Variants in ATP11A observed in about 807,000 individuals in gnomAD.
ATP11A encodes the protein ATPase phospholipid transporting 11A.
In ATP11A, 81 loss-of-function variants were observed where a neutral mutation model predicts 154.4. That is an observed-to-expected ratio of 0.52 (90% CI 0.44 to 0.63). The LOEUF (loss-of-function observed/expected upper bound fraction) is 0.63. Ranked by LOEUF, ATP11A falls within the 30% of genes least tolerant of loss-of-function variation. The pLI, the probability that ATP11A is intolerant of heterozygous loss-of-function variation, is 0.00. For synonymous variants in ATP11A, 623 were observed against 585.9 expected (o/e 1.06, Z -0.91); for missense variants, 1,316 against 1,474.3 (o/e 0.89, Z 1.76).
Position 112,807,339 on chromosome 13 carries a change from G to A in ATP11A, c.333+1046G>A, listed in dbSNP as rs1422575990. Reference sequence around the variant, plus strand: ...TAGGCCAGAGCCGGCCGTGCCTACCGGGATACGTGAACTAGGATATTCATG... The same window carrying A: ...TAGGCCAGAGCCGGCCGTGCCTACCAGGATACGTGAACTAGGATATTCATG... On this transcript the variant is annotated intron_variant, in intron 4 of 29. Transcript: ENST00000375645. The surrounding 1 kb of genome is among the most constrained non-coding windows in gnomAD (Gnocchi z 4.5). Among the ~76,000 whole-genome samples, 7 of 152,202 alleles carry A rather than the reference G, an allele frequency of 4.6e-5. 1 individual carries two copies. The highest frequency in any genetic ancestry group is 7.3e-5 in the Non-Finnish European group (5 of 68,030).
intron 25 of ATP11A, among the ~76,000 whole-genome samples, chr13:112,866,821 G>C (rs970491485): frequency 6.6e-6 from 1 of 151,354 alleles, no homozygotes; most frequent in Admixed American, 6.6e-5. Context: ...GTTATCCTTC[G>C]TCATCACTTA....
chr13:112,837,841 G>C (rs1468058716), intron 16 of ATP11A, among the ~76,000 whole-genome samples: 1 of 152,072 alleles, frequency 6.6e-6, no homozygotes, highest in African/African-American at 2.4e-5. Flanking sequence ...AGCTGTAGGG[G>C]GAGGCAGTGT....
intron 9 of ATP11A, among the ~76,000 whole-genome samples, 158 bp from the exon 10 acceptor site, chr13:112,824,186 C>T (rs953229433): frequency 5.9e-5 from 9 of 152,112 alleles, no homozygotes. Context: ...CCTAAGGAAT[C>T]AAGTGCTAGT....
chr13:112,748,104 G>A (rs73565382), intron 1 of ATP11A, among the ~76,000 whole-genome samples: 3,154 of 152,318 alleles, frequency 0.021, 95 homozygotes, highest in African/African-American at 0.07. Context: ...TGAGGTGTGT[G>A]TGAAACACAA....
chr13:112,778,540 G>A (rs1010381184), intron 1 of ATP11A, among the ~76,000 whole-genome samples: 3 of 152,258 alleles, frequency 2.0e-5, no homozygotes, highest in Admixed American at 6.5e-5. Context: ...TCAAGGCTAC[G>A]GTGCACTGTA....
intron 1 of ATP11A, among the ~76,000 whole-genome samples, chr13:112,765,160 C>CG (rs2077045990): frequency 1.6e-5 from 2 of 127,480 alleles, no homozygotes; most frequent in African/African-American, 7.9e-5. Flanking sequence ...CTCCCCCCCG[C>CG]CCCGGCTCTG....
intron 1 of ATP11A, among the ~76,000 whole-genome samples, chr13:112,757,275 C>T (rs2076863721): frequency 6.6e-6 from 1 of 152,226 alleles, no homozygotes; most frequent in Non-Finnish European, 1.5e-5. Context: ...TTTGTGTTCT[C>T]TCCAGTGGTG....
At chr13:112,763,620 T>C (rs191622645) in intron 1 of ATP11A, among the ~76,000 whole-genome samples, 1 of 152,274 alleles carries the variant, frequency 6.6e-6, no homozygotes, top group Admixed American at 6.5e-5. Context: ...ACACTCACCA[T>C]CTCTTCTCTC....
chr13:112,873,853 G>C (rs553230369), intron 27 of ATP11A, among the ~76,000 whole-genome samples, 177 bp downstream of exon 27: 2 of 152,078 alleles, frequency 1.3e-5, no homozygotes, highest in Non-Finnish European at 2.9e-5. Flanking sequence ...GCAAGACACC[G>C]GGGGGTTCCT....
intron 29 of ATP11A, chr13:112,880,635 T>C: frequency 7.7e-7 from 1 of 1,296,082 alleles, no homozygotes; most frequent in Non-Finnish European, 1.0e-6. Flanking sequence ...CAAGGCGCAG[T>C]TAGCTCCACG....
At position 112,807,453 on chromosome 13, in the gene ATP11A, A is replaced by G. The variant is rs1207448336; in HGVS notation, c.333+1160A>G. 6.6e-6 allele frequency among the ~76,000 whole-genome samples: 1 copy of G among 152,204 alleles called. No individual in the cohort carries two copies. Among genetic ancestry groups the G allele is most frequent in the African/African-American group, 2.4e-5 (1 of 41,444 alleles). On this transcript the variant is annotated intron_variant, in intron 4 of 29. Transcript: ENST00000375645. The surrounding 1 kb of genome is among the most constrained non-coding windows in gnomAD (Gnocchi z 4.5). ...GCTCCGCCGCGGTGCATGGCAGAAC[A>G]CAGCACAGTAACGAAACGAACTGTG...
chr13:112,749,672 C>T (rs1169535899), intron 1 of ATP11A, among the ~76,000 whole-genome samples: 1 of 152,060 alleles, frequency 6.6e-6, no homozygotes, highest in Non-Finnish European at 1.5e-5. Flanking sequence ...TCTCCATCCT[C>T]CCACGTGGGG....
At chr13:112,862,680 T>G (rs2080149724) in intron 25 of ATP11A, 105 bp downstream of exon 25, 7 of 1,483,262 alleles carry the variant, frequency 4.7e-6, no homozygotes, top group Non-Finnish European at 6.4e-6. Context: ...CCCATGCAGC[T>G]TCCCAGCGGG....
chr13:112,715,915 T>C (rs1471450613), intron 1 of ATP11A, among the ~76,000 whole-genome samples: 3 of 151,954 alleles, frequency 2.0e-5, no homozygotes, highest in Non-Finnish European at 4.4e-5. Flanking sequence ...TCCGATCCCA[T>C]TCCTTTCCCC....
chr13:112,880,644 C>T (rs769640815), intron 29 of ATP11A: 40 of 1,293,662 alleles, frequency 3.1e-5, no homozygotes, highest in Admixed American at 2.5e-4. Flanking sequence ...GTTAGCTCCA[C>T]GCTAGGTAAC....
At chr13:112,864,687 G>A (rs1400923542) in intron 25 of ATP11A, among the ~76,000 whole-genome samples, 5 of 63,926 alleles carry the variant, frequency 7.8e-5, no homozygotes, top group Admixed American at 3.3e-4. Context: ...GCTTCCCAGC[G>A]GGGTCCATCA....
chr13:112,785,616 A>G lies in ATP11A; in HGVS notation c.162+359A>G, dbSNP rs546726129. Among the ~76,000 whole-genome samples, 1 of 152,234 alleles carries G rather than the reference A, an allele frequency of 6.6e-6. No individual in the cohort carries two copies. Among genetic ancestry groups the G allele is most frequent in the East Asian group, 1.9e-4 (1 of 5,172 alleles). On this transcript the variant is annotated intron_variant, in intron 2 of 29. Transcript: ENST00000375645. The surrounding 1 kb of genome is among the most constrained non-coding windows in gnomAD (Gnocchi z 4.8). ...CGTGGGCCACCCTGGCCAGAGTCTC[A>G]GTGCCAGTAAGGTAGAAACGATACC...
In ATP11A at chr13:112,858,296, A is replaced by T; in HGVS notation, c.2667+6A>T. ...TGCAGTACTTCTTCTATAAGGTAGG[A>T]GGGTCGCCGCTCCCCCTCACGGTGT... is the stretch of plus-strand genomic sequence containing the variant. On this transcript the variant is annotated splice_donor_region_variant and intron_variant, in intron 22 of 29. Coordinates refer to ENST00000375645, the MANE Select transcript of ATP11A (RefSeq NM_015205.3). 1 of 1,607,348 alleles carries T rather than the reference A, an allele frequency of 6.2e-7. No homozygotes were observed. Among genetic ancestry groups the T allele is most frequent in the Non-Finnish European group, 8.5e-7 (1 of 1,175,514 alleles).
At chr13:112,860,201 C>T (rs2080060985) in intron 23 of ATP11A, 86 bp from the exon 24 acceptor site, 1 of 1,481,526 alleles carries the variant, frequency 6.7e-7, no homozygotes. Flanking sequence ...CTATGCATTT[C>T]AGAAAGAAAA....
Sources: gnomAD v4.1 joint callset for allele counts (sites outside exome capture counted in the v4.1 genomes callset) on GRCh38, gnomAD v4.1.1 for gene constraint, Gnocchi (gnomAD v3.1) non-coding constraint, MANE v1.5 for transcripts, NCBI Gene and HGNC (gene_info 2026-07-23, HGNC 2026-07-21) for gene names.